GRM2: variants seen among roughly 807,000 people sequenced by gnomAD.
GRM2 encodes the protein glutamate metabotropic receptor 2.
A neutral mutation model predicts 60.4 loss-of-function variants in GRM2; 35 were observed. The observed-to-expected ratio is 0.58, with a 90% CI of 0.44 to 0.77. The LOEUF (loss-of-function observed/expected upper bound fraction) is 0.77. GRM2 is among the 30% of genes least tolerant of loss of function. The probability of loss-of-function intolerance (pLI) is 0.00; values close to 1 mark genes in which losing one functional copy is unlikely to be tolerated. For synonymous variants in GRM2, 437 were observed against 484.1 expected (o/e 0.90, Z 1.28); for missense variants, 925 against 1,199.5 (o/e 0.77, Z 3.38).
In GRM2 at chr3:51,712,891, C is replaced by T. The variant is rs867491732; in HGVS notation, c.869C>T (p.Thr290Ile). ...AGCCAGCGCCTCAATGCCAGCTTCA[C>T]CTGGGTGGCCAGTGATGGTTGGGGG... The part of the protein sequence containing the change: ...AASQRLNASF[T>I]WVASDGWGAL... The change falls in exon 3 of 6, where the codon ACC becomes ATC. Residue 290 changes from threonine (T) to isoleucine (I), a missense_variant. Transcript: ENST00000395052. This position sits in a 1 kb window ranked among gnomAD's most constrained non-coding sequence, Gnocchi z 5.3. 1.1e-5 allele frequency: 17 copies of T among 1,612,942 alleles called. No individual in the cohort carries two copies. The highest frequency in any genetic ancestry group is 2.7e-5 in the African/African-American group (2 of 74,952).
At position 51,708,874 on chromosome 3, in the gene GRM2, C is replaced by A; in HGVS notation, c.-110C>A. 1 of 800,906 alleles carries A rather than the reference C, an allele frequency of 1.2e-6. No homozygotes were observed. 49.6% of individuals were successfully genotyped at this position (800,906 alleles called of 1,614,324 possible). ...AGCTGGGTCCCTTCGCATCTCTCTT[C>A]TTGTCTGTCCTTTCCTGGTCCCTGT... On this transcript the variant is annotated 5_prime_UTR_variant, in exon 2 of 6. Transcript: ENST00000395052.
chr3:51,712,564 T>G lies in GRM2; in HGVS notation c.542T>G (p.Phe181Cys). The G allele has an allele frequency of 6.2e-7, 1 of 1,614,118 alleles. No individual in the cohort carries two copies. The highest frequency in any genetic ancestry group is 8.5e-7 in the Non-Finnish European group (1 of 1,179,986). ...KLSDKSRYDYFARTVPPDFFQ... is the reference protein window; with the variant it reads ...KLSDKSRYDYCARTVPPDFFQ... ...AGTGACAAGTCCCGCTATGACTACT[T>G]TGCCCGCACAGTGCCTCCTGACTTC... Residue 181 changes from phenylalanine to cysteine, a missense_variant, in exon 3 of 6, where the codon TTT becomes TGT. Phe to Cys is a radical substitution (Grantham distance 205). Transcript: ENST00000395052. This position sits in a 1 kb window ranked among gnomAD's most constrained non-coding sequence, Gnocchi z 5.3.
In GRM2 at chr3:51,707,075, G is replaced by C. The variant is rs1437794266; in HGVS notation, c.-229G>C. On this transcript the variant is annotated 5_prime_UTR_variant, in exon 1 of 6. Transcript: ENST00000395052. ...GGCGAGCGGGCGGGCGGAGAGCGCA[G>C]AGCCAGCGAGCCAGCGAGCGAGCGA... The C allele has an allele frequency of 6.6e-6, 1 of 152,330 alleles. No individual in the cohort carries two copies. Among genetic ancestry groups the C allele is most frequent in the Non-Finnish European group, 1.5e-5 (1 of 67,824 alleles). The allele number at this position is 152,330 out of a possible 1,614,324, so 9.4% of individuals were successfully genotyped here.
rs1338697206 is a variant in GRM2, at chr3:51,717,564, C to T, written c.2365-73C>T. 1.6e-6 allele frequency: 2 copies of T among 1,229,292 alleles called. No homozygotes were observed. The highest frequency in any genetic ancestry group is 4.7e-5 in the East Asian group (2 of 42,688). 76.1% of individuals were successfully genotyped at this position (1,229,292 alleles called of 1,614,324 possible). ...TTAGTCTCCCCCACTCCCTCCCCCA[C>T]AGATCAGGCAGGGGGTCCTGGGGTC... On this transcript the variant is annotated intron_variant, in intron 4 of 5. Transcript: ENST00000395052. This position sits in a 1 kb window ranked among gnomAD's most constrained non-coding sequence, Gnocchi z 6.0.
rs1467829905 is a variant in GRM2, at chr3:51,712,785, C to A, written c.763C>A (p.Arg255=). ...CCGCGCGGCCTTTGAGGGTGTGGTG[C>A]GAGCCCTGCTGCAGAAGCCCAGTGC... ...MSRAAFEGVV[R]ALLQKPSARV... Residue 255 remains arginine (R), a synonymous_variant, in exon 3 of 6, where the codon CGA becomes AGA. Transcript: ENST00000395052. The surrounding 1 kb of genome is among the most constrained non-coding windows in gnomAD (Gnocchi z 5.3). The A allele has an allele frequency of 6.2e-7, 1 of 1,613,028 alleles. No homozygotes were observed. The highest frequency in any genetic ancestry group is 1.3e-5 in the African/African-American group (1 of 75,044).
At position 51,712,869 on chromosome 3, in the gene GRM2, C is replaced by A; in HGVS notation, c.847C>A (p.Gln283Lys). 1 of 1,612,992 alleles carries A rather than the reference C, an allele frequency of 6.2e-7. No individual in the cohort carries two copies. Among genetic ancestry groups the A allele is most frequent in the Non-Finnish European group, 8.5e-7 (1 of 1,180,036 alleles). The part of the protein sequence containing the change: ...EDARELLAAS[Q>K]RLNASFTWVA... The stretch of plus-strand genomic sequence containing the variant: ...TGCCCGGGAGCTGCTTGCTGCCAGC[C>A]AGCGCCTCAATGCCAGCTTCACCTG... Residue 283 changes from glutamine (Q) to lysine (K), a missense_variant, in exon 3 of 6, where the codon CAG becomes AAG. By Grantham distance (53) the Gln-to-Lys change is moderately conservative (BLOSUM62 1). Coordinates refer to ENST00000395052, the MANE Select transcript of GRM2 (RefSeq NM_000839.5). The surrounding 1 kb of genome is among the most constrained non-coding windows in gnomAD (Gnocchi z 5.3).
At position 51,717,363 on chromosome 3, in the gene GRM2, T is replaced by G. The variant is rs116062821; in HGVS notation, c.2365-274T>G. Among the ~76,000 whole-genome samples the G allele has an allele frequency of 6.6e-6, 1 of 152,220 alleles. No homozygotes were observed. The highest frequency in any genetic ancestry group is 1.5e-5 in the Non-Finnish European group (1 of 67,998). ...CACCTACATGCACGCACTCCATTCCTGCAGCCCCCAGATGCACACACCCCT... is the reference window on the plus strand; with the variant it reads ...CACCTACATGCACGCACTCCATTCCGGCAGCCCCCAGATGCACACACCCCT... On this transcript the variant is annotated intron_variant, in intron 4 of 5. Coordinates refer to ENST00000395052, the MANE Select transcript of GRM2 (RefSeq NM_000839.5). This position sits in a 1 kb window ranked among gnomAD's most constrained non-coding sequence, Gnocchi z 6.0.
At chr3:51,707,297 G>C (rs890904299) in intron 1 of GRM2, 130 bp downstream of exon 1, 1 of 152,750 alleles carries the variant, frequency 6.5e-6, no homozygotes, top group Non-Finnish European at 1.5e-5. Flanking sequence ...AGCGTTCCCT[G>C]AGAGCTCCGG....
In GRM2 at chr3:51,715,495, C is replaced by T. The variant is rs750991019; in HGVS notation, c.1722C>T (p.Ile574=). 1.4e-5 allele frequency: 23 copies of T among 1,612,950 alleles called. No individual in the cohort carries two copies. Among genetic ancestry groups the T allele is most frequent in the South Asian group, 3.3e-5 (3 of 91,082 alleles). ...CCTGGGCTGTGGGACCTGTCACCAT[C>T]GCCTGCCTCGGTGCCCTGGCCACCC... ...GDAWAVGPVT[I]ACLGALATLF... Residue 574 remains isoleucine (I), a synonymous_variant, in exon 4 of 6, where the codon ATC becomes ATT. Coordinates refer to ENST00000395052, the MANE Select transcript of GRM2 (RefSeq NM_000839.5). The surrounding 1 kb of genome is among the most constrained non-coding windows in gnomAD (Gnocchi z 9.0).
rs1202619732 is a variant in GRM2 at position 51,708,830 on chromosome 3, C to T, written c.-136-18C>T. The T allele has an allele frequency of 7.0e-6, 4 of 570,106 alleles. No homozygotes were observed. The highest frequency in any genetic ancestry group is 5.6e-5 in the African/African-American group (3 of 53,588). The allele number at this position is 570,106 out of a possible 1,614,324, so 35.3% of individuals were successfully genotyped here. ...CACTTTTCCTGGTCTGTTTTTCTGTCTTTCTATCTCTCTGCAGGAGCTGGG... is the reference window on the plus strand; with the variant it reads ...CACTTTTCCTGGTCTGTTTTTCTGTTTTTCTATCTCTCTGCAGGAGCTGGG... On this transcript the variant is annotated intron_variant, in intron 1 of 5. Coordinates refer to ENST00000395052, the MANE Select transcript of GRM2 (RefSeq NM_000839.5).
intron 2 of GRM2, among the ~76,000 whole-genome samples, chr3:51,709,854 C>A (rs1315109193): frequency 1.2e-5 from 1 of 81,028 alleles, no homozygotes; most frequent in African/African-American, 5.0e-5. Flanking sequence ...CACACACACA[C>A]ACACCCTCAC....
At position 51,718,276 on chromosome 3, in the gene GRM2, C is replaced by G. The variant is rs1236755046; in HGVS notation, c.*164C>G. On this transcript the variant is annotated 3_prime_UTR_variant, in exon 6 of 6. Transcript: ENST00000395052. The surrounding 1 kb of genome is among the most constrained non-coding windows in gnomAD (Gnocchi z 4.2). ...CCTCCTTACCCCAGCTCTTCAGACTCAGAAGTCAGGAGCCTTGGCCAGGAG... is the reference window on the plus strand; with the variant it reads ...CCTCCTTACCCCAGCTCTTCAGACTGAGAAGTCAGGAGCCTTGGCCAGGAG... The G allele has an allele frequency of 1.5e-6, 1 of 672,418 alleles. No individual in the cohort carries two copies. The highest frequency in any genetic ancestry group is 2.7e-6 in the Non-Finnish European group (1 of 371,976). 41.7% of individuals were successfully genotyped at this position (672,418 alleles called of 1,614,324 possible). A position where few individuals can be genotyped will look rare whatever the true frequency, so the allele number is the denominator to read the frequency against.
At position 51,712,942 on chromosome 3, in the gene GRM2, G is replaced by A. The variant is rs1173171943; in HGVS notation, c.920G>A (p.Ser307Asn). The change falls in exon 3 of 6, where the codon AGT (serine) becomes AAT (asparagine). Residue 307 changes from serine (S) to asparagine (N), a missense_variant. Coordinates refer to ENST00000395052, the MANE Select transcript of GRM2 (RefSeq NM_000839.5). The surrounding 1 kb of genome is among the most constrained non-coding windows in gnomAD (Gnocchi z 5.3). ...WGALESVVAGSEGAAEGAITI... is the reference protein window; with the variant it reads ...WGALESVVAGNEGAAEGAITI... ...GCCCTGGAGAGTGTGGTGGCAGGCA[G>A]TGAGGGGGCTGCTGAGGGTGCTATC... 3.7e-6 allele frequency: 6 copies of A among 1,613,122 alleles called. No individual in the cohort carries two copies. The highest frequency in any genetic ancestry group is 4.2e-6 in the Non-Finnish European group (5 of 1,180,018).
intron 2 of GRM2, among the ~76,000 whole-genome samples, chr3:51,709,830 GAC>G (rs780322630): frequency 5.3e-4 from 4 of 7,488 alleles, no homozygotes; most frequent in South Asian, 8.9e-3. Context: ...CACACACCCA[GAC>G]ACACACACCC....
In GRM2 at chr3:51,718,034, C is replaced by A; in HGVS notation, c.2546-5C>A. On this transcript the variant is annotated splice_polypyrimidine_tract_variant and splice_region_variant and intron_variant, in intron 5 of 5. Coordinates refer to ENST00000395052, the MANE Select transcript of GRM2 (RefSeq NM_000839.5). The surrounding 1 kb of genome is among the most constrained non-coding windows in gnomAD (Gnocchi z 4.2). ...TGGCCCCAACCTCTGGCTTCCTTTT[C>A]TTAGGGTCTGGCTCCCAGTTTGTCC... 6.2e-7 allele frequency: 1 copy of A among 1,614,018 alleles called. No individual in the cohort carries two copies. Among genetic ancestry groups the A allele is most frequent in the Non-Finnish European group, 8.5e-7 (1 of 1,179,866 alleles).
chr3:51,709,221 C>A lies in GRM2; in HGVS notation c.238C>A (p.Pro80Thr), dbSNP rs762293607. ...DRINRDPHLL[P>T]GVRLGAHILD... ...CATCAACCGTGACCCGCACCTGCTG[C>A]CTGGCGTGCGCCTGGGTGCACACAT... is the stretch of plus-strand genomic sequence containing the variant. Residue 80 changes from proline (P) to threonine (T), a missense_variant, in exon 2 of 6, where the codon CCT becomes ACT. By Grantham distance (38) the Pro-to-Thr change is conservative (BLOSUM62 -1). Coordinates refer to ENST00000395052, the MANE Select transcript of GRM2 (RefSeq NM_000839.5). 2.5e-6 allele frequency: 4 copies of A among 1,609,056 alleles called. No homozygotes were observed. The highest frequency in any genetic ancestry group is 1.6e-4 in the Middle Eastern group (1 of 6,076).
Position 51,712,561 on chromosome 3 carries a change from A to G in GRM2, c.539A>G (p.Tyr180Cys), listed in dbSNP as rs1250048007. 1 of 1,614,086 alleles carries G rather than the reference A, an allele frequency of 6.2e-7. No individual in the cohort carries two copies. Among genetic ancestry groups the G allele is most frequent in the East Asian group, 2.2e-5 (1 of 44,882 alleles). The change falls in exon 3 of 6, where the codon TAC becomes TGC. Residue 180 changes from tyrosine to cysteine, a missense_variant. Tyr to Cys is a radical substitution (Grantham distance 194). Transcript: ENST00000395052. The surrounding 1 kb of genome is among the most constrained non-coding windows in gnomAD (Gnocchi z 5.3). ...CTGAGTGACAAGTCCCGCTATGACTACTTTGCCCGCACAGTGCCTCCTGAC... is the reference window on the plus strand; with the variant it reads ...CTGAGTGACAAGTCCCGCTATGACTGCTTTGCCCGCACAGTGCCTCCTGAC... ...AKLSDKSRYD[Y>C]FARTVPPDFF...
intron 1 of GRM2, chr3:51,708,118 ACT>A (rs1283515959): frequency 1.3e-5 from 2 of 151,378 alleles, no homozygotes; most frequent in African/African-American, 2.4e-5. Context: ...CTGTTTGGAG[ACT>A]CTAGCCCCCA....
At position 51,713,568 on chromosome 3, in the gene GRM2, C is replaced by G. The variant is rs370668121; in HGVS notation, c.1288+258C>G. 6.2e-6 allele frequency: 3 copies of G among 485,356 alleles called. No individual in the cohort carries two copies. In the South Asian group the frequency reaches 8.8e-5, roughly 14 times the overall value. The allele number at this position is 485,356 out of a possible 1,614,324, so 30.1% of individuals were successfully genotyped here. A position where few individuals can be genotyped will look rare whatever the true frequency, so the allele number is the denominator to read the frequency against. Reference sequence around the variant, plus strand: ...TGAGGGTCTCTGGCTCCTCCTTGGGCCTTGCCCACTGTCTTCTGTCTCCTT... The same window carrying G: ...TGAGGGTCTCTGGCTCCTCCTTGGGGCTTGCCCACTGTCTTCTGTCTCCTT... On this transcript the variant is annotated intron_variant, in intron 3 of 5. Transcript: ENST00000395052. This position sits in a 1 kb window ranked among gnomAD's most constrained non-coding sequence, Gnocchi z 4.8.
Sources: allele counts gnomAD v4.1 joint callset (sites outside exome capture counted in the v4.1 genomes callset), GRCh38; gene constraint gnomAD v4.1.1; non-coding constraint Gnocchi (gnomAD v3.1); transcripts MANE v1.5; gene names NCBI Gene and HGNC (gene_info 2026-07-23, HGNC 2026-07-21).